Variants in HERC1 observed in about 807,000 individuals in gnomAD.
The protein encoded by HERC1 is probable E3 ubiquitin-protein ligase HERC1.
In HERC1, 160 loss-of-function variants were observed where a neutral mutation model predicts 554.3. That is an observed-to-expected ratio of 0.29 (90% CI 0.25 to 0.33). The LOEUF (loss-of-function observed/expected upper bound fraction) is 0.33. Ranked by LOEUF, HERC1 falls within the 10% of genes least tolerant of loss-of-function variation. The pLI, the probability that HERC1 is intolerant of heterozygous loss-of-function variation, is 1.00. For synonymous variants in HERC1, 2,175 were observed against 2,131.7 expected (o/e 1.02, Z -0.56); for missense variants, 4,919 against 5,918.5 (o/e 0.83, Z 5.54).
chr15:63,725,239 C>T, intron 18 of HERC1, 53 bp downstream of exon 18: 1 of 1,474,952 alleles, frequency 6.8e-7, no homozygotes, highest in Non-Finnish European at 9.3e-7. Flanking sequence ...GAGAAATCTC[C>T]AACTGAGGTA....
chr15:63,823,775 T>C (rs1239578713), intron 1 of HERC1, among the ~76,000 whole-genome samples: 1 of 152,194 alleles, frequency 6.6e-6, no homozygotes, highest in Non-Finnish European at 1.5e-5. Context: ...ACTACTATTA[T>C]TCCATTATTA....
chr15:63,700,417 C>T (rs1349065105), intron 25 of HERC1, among the ~76,000 whole-genome samples: 2 of 151,762 alleles, frequency 1.3e-5, no homozygotes, highest in Admixed American at 6.6e-5. Flanking sequence ...ACTACTTAAA[C>T]ACTAATGCCC....
At position 63,636,009 on chromosome 15, in the gene HERC1, C is replaced by T; in HGVS notation, c.12366G>A (p.Gln4122=). The change falls in exon 65 of 78, where the codon CAG becomes CAA. Residue 4122 remains glutamine (Q), a synonymous_variant. Coordinates refer to ENST00000443617, the MANE Select transcript of HERC1 (RefSeq NM_003922.4). ...AGGCCTCGATCTGCCTGGGCCGCCG[C>T]TGCCTGTCGCTGTTCCCATGGCCAA... ...GKLGHGNSDR[Q]RRPRQIEALQ... The T allele has an allele frequency of 6.2e-7, 1 of 1,613,970 alleles. No individual in the cohort carries two copies. Among genetic ancestry groups the T allele is most frequent in the South Asian group, 1.1e-5 (1 of 91,082 alleles).
At chr15:63,639,864 A>G (rs187139908) in intron 61 of HERC1, among the ~76,000 whole-genome samples, 1 of 152,226 alleles carries the variant, frequency 6.6e-6, no homozygotes, top group African/African-American at 2.4e-5. Flanking sequence ...CAACTAAAGC[A>G]CTAACAAAGT....
At chr15:63,621,167 G>C (rs1160032033) in intron 74 of HERC1, among the ~76,000 whole-genome samples, 3 of 152,170 alleles carry the variant, frequency 2.0e-5, no homozygotes, top group Non-Finnish European at 4.4e-5. Flanking sequence ...CTTCCTTCAG[G>C]AGCTCTTTTA....
At chr15:63,737,373 G>GATAT (rs371486775) in intron 12 of HERC1, among the ~76,000 whole-genome samples, 3 of 113,334 alleles carry the variant, frequency 2.6e-5, no homozygotes, top group African/African-American at 1.1e-4. Context: ...CTTTTTTCCA[G>GATAT]ATATATATAT....
chr15:63,686,174 G>T (rs1241040406), intron 34 of HERC1, among the ~76,000 whole-genome samples, 185 bp downstream of exon 34: 4 of 152,030 alleles, frequency 2.6e-5, no homozygotes, highest in Admixed American at 2.0e-4. Flanking sequence ...AATTATAAGG[G>T]TTACAAAAAT....
Position 63,677,629 on chromosome 15 carries a change from CTA to C in HERC1, c.7070+214_7070+215del, listed in dbSNP as rs540556963. Among the ~76,000 whole-genome samples the C allele has an allele frequency of 4.9e-4, 74 of 152,274 alleles. No homozygotes were observed. Among genetic ancestry groups the C allele is most frequent in the African/African-American group, 1.6e-3 (66 of 41,546 alleles). On this transcript the variant is annotated intron_variant, in intron 37 of 77. Coordinates refer to ENST00000443617, the MANE Select transcript of HERC1 (RefSeq NM_003922.4). The surrounding 1 kb of genome is among the most constrained non-coding windows in gnomAD (Gnocchi z 4.4). ...CCCAAAACAAAACAGAACAAAAAGA[CTA>C]TGTATTTTTAAAACCCACTAGTATT...
chr15:63,696,181 T>A lies in HERC1; in HGVS notation c.5064A>T (p.Leu1688Phe). Residue 1688 changes from leucine to phenylalanine, a missense_variant, in exon 27 of 78, where the codon TTA (leucine) becomes TTT (phenylalanine). By Grantham distance (22) the Leu-to-Phe change is conservative. Transcript: ENST00000443617. ...TGCCTCCTGTGTGTCCAACAGTGCC[T>A]AAACCAAAACACCCTGCTAGGAACT... is the stretch of plus-strand genomic sequence containing the variant. ...RLQFLAGCFGLGTVGHTGGKG... is the reference protein window; with the variant it reads ...RLQFLAGCFGFGTVGHTGGKG... The A allele has an allele frequency of 6.2e-7, 1 of 1,613,716 alleles. No individual in the cohort carries two copies. The highest frequency in any genetic ancestry group is 8.5e-7 in the Non-Finnish European group (1 of 1,179,766).
intron 18 of HERC1, among the ~76,000 whole-genome samples, chr15:63,724,472 C>T (rs2073954904): frequency 6.6e-6 from 1 of 152,216 alleles, no homozygotes; most frequent in South Asian, 2.1e-4. Flanking sequence ...CTCCAACCCT[C>T]CAAATCCCAA....
chr15:63,732,519 T>C (rs547557483), intron 14 of HERC1, among the ~76,000 whole-genome samples: 44 of 152,320 alleles, frequency 2.9e-4, no homozygotes, highest in African/African-American at 9.4e-4. Flanking sequence ...TTAGAATTAA[T>C]GGCATACTAA....
At chr15:63,691,737 A>G (rs1012277340) in intron 31 of HERC1, among the ~76,000 whole-genome samples, 1 of 152,224 alleles carries the variant, frequency 6.6e-6, no homozygotes. Context: ...AGAGGATTAC[A>G]TTATGTTTTG....
chr15:63,826,785 A>T (rs1398044757), intron 1 of HERC1, among the ~76,000 whole-genome samples: 7 of 30,386 alleles, frequency 2.3e-4, no homozygotes, highest in East Asian at 1.5e-3. Context: ...TATCTCTGGT[A>T]AAAAAAAAAA....
chr15:63,768,619 G>A (rs990878389), intron 2 of HERC1, among the ~76,000 whole-genome samples: 1 of 152,202 alleles, frequency 6.6e-6, no homozygotes, highest in Admixed American at 6.5e-5. Flanking sequence ...AACAGGTAAG[G>A]AGTAGACTGA....
chr15:63,771,493 C>G (rs148981615), intron 2 of HERC1, among the ~76,000 whole-genome samples: 2 of 150,666 alleles, frequency 1.3e-5, no homozygotes, highest in South Asian at 4.2e-4. Flanking sequence ...TGCAATGGTG[C>G]GATCTCAGCT....
chr15:63,651,453 A>C (rs1411644795), intron 52 of HERC1, 73 bp from the exon 53 acceptor site: 11 of 1,453,318 alleles, frequency 7.6e-6, no homozygotes, highest in Admixed American at 2.0e-5. Flanking sequence ...AAACCTTAAA[A>C]TAAGGGTTTC....
intron 48 of HERC1, among the ~76,000 whole-genome samples, chr15:63,657,395 C>T (rs62014166): frequency 0.17 from 25,969 of 151,702 alleles, 2,436 homozygotes; most frequent in Middle Eastern, 0.22. Flanking sequence ...TGAAGACTCA[C>T]TGAGGTTGAA....
intron 34 of HERC1, among the ~76,000 whole-genome samples, chr15:63,684,781 G>A (rs938020684): frequency 3.3e-5 from 5 of 152,190 alleles, no homozygotes; most frequent in African/African-American, 1.2e-4. Flanking sequence ...GCCAAGGTGG[G>A]TGGATCACCT....
chr15:63,641,444 C>T (rs757600125), intron 60 of HERC1, 26 bp downstream of exon 60: 1 of 1,587,688 alleles, frequency 6.3e-7, no homozygotes, highest in Non-Finnish European at 8.6e-7. Context: ...ATCTGTGTAT[C>T]TCTAGGAGTG....
Sources: gnomAD v4.1 joint callset for allele counts (sites outside exome capture counted in the v4.1 genomes callset) on GRCh38, gnomAD v4.1.1 for gene constraint, Gnocchi (gnomAD v3.1) non-coding constraint, MANE v1.5 for transcripts, NCBI Gene and HGNC (gene_info 2026-07-23, HGNC 2026-07-21) for gene names.